STK32B: variants seen among roughly 807,000 people sequenced by gnomAD.
STK32B encodes serine/threonine-protein kinase 32B.
Under a neutral mutation model 52.6 loss-of-function variants are expected in STK32B, and 43 were observed. That is an observed-to-expected ratio of 0.82 (90% CI 0.64 to 1.05). The LOEUF is 1.05. Ranked by LOEUF, STK32B falls within the 50% of genes least tolerant of loss-of-function variation. The pLI, the probability that STK32B is intolerant of heterozygous loss-of-function variation, is 0.00. For missense variants in STK32B, 621 were observed against 534.6 expected, an observed-to-expected ratio of 1.16 and a Z score of -1.59; for synonymous variants, 238 against 204.3, an observed-to-expected ratio of 1.17 and a Z score of -1.41.
At position 5,171,682 on chromosome 4, in the gene STK32B, C is replaced by T. The variant is rs375516316; in HGVS notation, c.260+3232C>T. Among the ~76,000 whole-genome samples, 350 of 144,314 alleles carry T rather than the reference C, an allele frequency of 2.4e-3. 33 individuals carry two copies. In the East Asian group the frequency reaches 0.057, roughly 24 times the overall value. The allele number at this position is 144,314 out of a possible 152,430, so 94.7% of individuals were successfully genotyped here. On this transcript the variant is annotated intron_variant, in intron 3 of 11. Coordinates refer to ENST00000282908, the MANE Select transcript of STK32B (RefSeq NM_018401.3). ...ATTGGTCTGTATCTCTGTTTTGGTA[C>T]CAGTTGCATTCTGTCTTGGTTACTG...
intron 8 of STK32B, among the ~76,000 whole-genome samples, chr4:5,459,420 C>A (rs534797565): frequency 2.6e-5 from 4 of 152,312 alleles, no homozygotes; most frequent in South Asian, 2.1e-4. Context: ...GGGCACCCAG[C>A]AGCTCGCCCA....
At chr4:5,112,085 A>G (rs1714435645) in intron 1 of STK32B, among the ~76,000 whole-genome samples, 1 of 152,200 alleles carries the variant, frequency 6.6e-6, no homozygotes, top group African/African-American at 2.4e-5. Context: ...CTCTCAGAGT[A>G]CTTTAATCCC....
chr4:5,056,596 C>G (rs1401261722), intron 1 of STK32B, among the ~76,000 whole-genome samples: 2 of 152,248 alleles, frequency 1.3e-5, no homozygotes, highest in South Asian at 2.1e-4. Context: ...CTCCCGCCCC[C>G]TCCATGTTGA....
intron 1 of STK32B, among the ~76,000 whole-genome samples, chr4:5,135,306 A>G (rs928884156): frequency 6.6e-5 from 10 of 152,200 alleles, no homozygotes; most frequent in South Asian, 2.1e-4. Flanking sequence ...AGAGAGCCTG[A>G]GTGACTTCCC....
chr4:5,484,352 T>A (rs1439642274), intron 11 of STK32B, among the ~76,000 whole-genome samples: 5 of 152,102 alleles, frequency 3.3e-5, no homozygotes, highest in African/African-American at 1.2e-4. Context: ...ATGGCCTTCT[T>A]TGTCTCTTTT....
intron 9 of STK32B, among the ~76,000 whole-genome samples, chr4:5,464,595 C>T (rs1036179741): frequency 6.6e-6 from 1 of 152,194 alleles, no homozygotes; most frequent in Admixed American, 6.5e-5. Context: ...CGTGAATGAA[C>T]GAATGATGAT....
the STK32B span, among the ~76,000 whole-genome samples, chr4:5,043,187 C>G: frequency 6.6e-6 from 1 of 150,914 alleles, no homozygotes; most frequent in Admixed American, 6.6e-5. Flanking sequence ...ACTCAGATAC[C>G]AGGAGGAGAA....
At chr4:5,143,514 C>T (rs1716666169) in intron 2 of STK32B, among the ~76,000 whole-genome samples, 1 of 152,158 alleles carries the variant, frequency 6.6e-6, no homozygotes, top group African/African-American at 2.4e-5. Flanking sequence ...ATGTTCAGTT[C>T]TCAAGGCTTG....
rs1217915506 is a variant in STK32B, at chr4:5,394,204, T to C, written c.435-4003T>C. Among the ~76,000 whole-genome samples the C allele has an allele frequency of 3.3e-5, 5 of 152,186 alleles. No homozygotes were observed. Among genetic ancestry groups the C allele is most frequent in the African/African-American group, 1.2e-4 (5 of 41,440 alleles). On this transcript the variant is annotated intron_variant, in intron 4 of 11. Transcript: ENST00000282908. This position sits in a 1 kb window ranked among gnomAD's most constrained non-coding sequence, Gnocchi z 4.2. ...GTTTTATTTGAGGGCTGGGGAATAA[T>C]TCAAGAGCAGCACCGGGTTTTATAG...
intron 3 of STK32B, among the ~76,000 whole-genome samples, chr4:5,205,863 C>A (rs1197529084): frequency 6.6e-6 from 1 of 152,162 alleles, no homozygotes; most frequent in East Asian, 1.9e-4. Flanking sequence ...TCCCATCCTC[C>A]TTGCATCTCA....
chr4:5,298,909 C>T (rs1297785426), intron 3 of STK32B, among the ~76,000 whole-genome samples: 7 of 151,986 alleles, frequency 4.6e-5, no homozygotes, highest in South Asian at 2.1e-4. Flanking sequence ...GCTTGAAACC[C>T]GGGGCCCTGG....
intron 11 of STK32B, among the ~76,000 whole-genome samples, chr4:5,496,051 T>A (rs941387789): frequency 3.3e-5 from 5 of 152,224 alleles, no homozygotes; most frequent in African/African-American, 1.2e-4. Context: ...GAGGAGGCAG[T>A]CTGCCTGTTC....
intron 3 of STK32B, among the ~76,000 whole-genome samples, chr4:5,248,333 A>G (rs1725613691): frequency 1.3e-5 from 2 of 152,352 alleles, no homozygotes; most frequent in South Asian, 4.1e-4. Context: ...GTAATGCCCC[A>G]AGGATAGCTG....
chr4:5,375,749 G>A (rs2109017622), intron 4 of STK32B, among the ~76,000 whole-genome samples: 1 of 152,176 alleles, frequency 6.6e-6, no homozygotes, highest in African/African-American at 2.4e-5. Flanking sequence ...AATGTCTACT[G>A]ATGACTGTTC....
At chr4:5,322,570 T>C (rs540508488) in intron 3 of STK32B, among the ~76,000 whole-genome samples, 6 of 152,222 alleles carry the variant, frequency 3.9e-5, no homozygotes, top group Non-Finnish European at 8.8e-5. Context: ...GGGCACCCAG[T>C]GACTTTTGCC....
intron 2 of STK32B, among the ~76,000 whole-genome samples, chr4:5,142,972 A>G (rs1171897286): frequency 6.6e-6 from 1 of 152,166 alleles, no homozygotes; most frequent in Non-Finnish European, 1.5e-5. Context: ...TTTGGACTGG[A>G]GTTGCAGTAT....
At chr4:5,219,738 C>A (rs1456480034) in intron 3 of STK32B, among the ~76,000 whole-genome samples, 1 of 152,196 alleles carries the variant, frequency 6.6e-6, no homozygotes, top group Non-Finnish European at 1.5e-5. Flanking sequence ...CTTCAGGAAG[C>A]AACCCCAGCT....
Position 5,319,903 on chromosome 4 carries a change from C to T in STK32B, c.261-11317C>T, listed in dbSNP as rs151153857. On this transcript the variant is annotated intron_variant, in intron 3 of 11. Transcript: ENST00000282908. ...GAGAAGCTGCCTCCCAGAATGAGAC[C>T]TCAGACCTTGCCCCACTTAGCCATG... Among the ~76,000 whole-genome samples, 688 of 152,266 alleles carry T rather than the reference C, an allele frequency of 4.5e-3. 10 individuals are homozygous for T. The highest frequency in any genetic ancestry group is 0.016 in the African/African-American group (648 of 41,536).
intron 3 of STK32B, among the ~76,000 whole-genome samples, chr4:5,238,717 T>G (rs567192064): frequency 6.6e-6 from 1 of 152,160 alleles, no homozygotes; most frequent in African/African-American, 2.4e-5. Context: ...TCAGATCTGG[T>G]AGGTGGGCCG....
Sources: gnomAD v4.1 joint callset for allele counts (sites outside exome capture counted in the v4.1 genomes callset) on GRCh38, gnomAD v4.1.1 for gene constraint, Gnocchi (gnomAD v3.1) non-coding constraint, MANE v1.5 for transcripts, NCBI Gene and HGNC (gene_info 2026-07-23, HGNC 2026-07-21) for gene names.